Variants in SIN3A observed in about 807,000 individuals in gnomAD.
SIN3A encodes the protein paired amphipathic helix protein Sin3a.
In SIN3A, 14 loss-of-function variants were observed where a neutral mutation model predicts 146.1. That is an observed-to-expected ratio of 0.10 (90% CI 0.06 to 0.15). SIN3A has a LOEUF of 0.15. SIN3A is among the 10% of genes least tolerant of loss of function. The pLI is 1.00. For missense variants in SIN3A, 1,028 were observed against 1,576.0 expected (o/e 0.65, Z 5.89); for synonymous variants, 572 against 572.0 (o/e 1.00, Z 0.00).
intron 12 of SIN3A, among the ~76,000 whole-genome samples, chr15:75,397,085 T>C (rs1451596585): frequency 3.3e-5 from 5 of 152,250 alleles, no homozygotes; most frequent in Non-Finnish European, 7.3e-5. Context: ...GAGTTCACTG[T>C]TGTAGCTGCG....
chr15:75,384,055 T>G (rs1446380138), intron 17 of SIN3A: 1 of 305,058 alleles, frequency 3.3e-6, no homozygotes, highest in African/African-American at 2.2e-5. Context: ...TATAACTAGT[T>G]TTTTTTTTTT....
chr15:75,427,860 A>T (rs767419103), intron 2 of SIN3A, among the ~76,000 whole-genome samples: 18 of 151,768 alleles, frequency 1.2e-4, no homozygotes, highest in Non-Finnish European at 1.6e-4. Context: ...AATCCCAGCT[A>T]CTCGGGAGGC....
chr15:75,400,324 C>G (rs758617744), intron 11 of SIN3A, among the ~76,000 whole-genome samples, 168 bp from the exon 12 acceptor site: 2 of 152,212 alleles, frequency 1.3e-5, no homozygotes, highest in Non-Finnish European at 2.9e-5. Context: ...GAAAAGGGTG[C>G]TGAATATAAG....
At chr15:75,411,853 C>T in intron 5 of SIN3A, 110 bp from the exon 6 acceptor site, 1 of 1,209,030 alleles carries the variant, frequency 8.3e-7, no homozygotes, top group Non-Finnish European at 1.1e-6. Context: ...TATTTACTCA[C>T]TCAGGCCAGG....
chr15:75,375,890 C>T lies in SIN3A; in HGVS notation c.3384-18G>A, dbSNP rs761115423. 70 of 1,612,868 alleles carry T rather than the reference C, an allele frequency of 4.3e-5. No individual in the cohort carries two copies. Among genetic ancestry groups the T allele is most frequent in the Middle Eastern group, 1.6e-4 (1 of 6,082 alleles). On this transcript the variant is annotated intron_variant, in intron 19 of 20. Coordinates refer to ENST00000394947, the MANE Select transcript of SIN3A (RefSeq NM_001145358.2). ...GTAGATTCCTATTGCAGAAAAGCCC[C>T]GGAGGATGAGAGCTCGTCCAGATGC...
intron 1 of SIN3A, among the ~76,000 whole-genome samples, chr15:75,441,753 T>C (rs530094069): frequency 4.9e-4 from 75 of 152,304 alleles, no homozygotes; most frequent in South Asian, 3.9e-3. Flanking sequence ...CATAATTTTG[T>C]TGGAGAGAAC....
chr15:75,424,185 C>A (rs571717158), intron 2 of SIN3A, among the ~76,000 whole-genome samples: 2 of 152,244 alleles, frequency 1.3e-5, no homozygotes, highest in Non-Finnish European at 2.9e-5. Flanking sequence ...GTAATCCCAG[C>A]ACTTTGGGAG....
chr15:75,408,088 T>C (rs2073552992), intron 8 of SIN3A, among the ~76,000 whole-genome samples: 1 of 152,124 alleles, frequency 6.6e-6, no homozygotes, highest in African/African-American at 2.4e-5. Context: ...TTACCTTGGC[T>C]ATCTCAGAGT....
chr15:75,419,360 C>T (rs1237045711), intron 3 of SIN3A: 1 of 152,108 alleles, frequency 6.6e-6, no homozygotes, highest in Non-Finnish European at 1.5e-5. Flanking sequence ...TGCATCATTA[C>T]ACAACAAAAG....
At chr15:75,450,284 C>T (rs1311423644) in intron 1 of SIN3A, among the ~76,000 whole-genome samples, 1 of 152,076 alleles carries the variant, frequency 6.6e-6, no homozygotes, top group African/African-American at 2.4e-5. Context: ...AGAGGAGGAG[C>T]TTCCACTGCC....
chr15:75,444,196 G>C (rs926854673), intron 1 of SIN3A, among the ~76,000 whole-genome samples: 4 of 152,226 alleles, frequency 2.6e-5, no homozygotes, highest in African/African-American at 9.6e-5. Flanking sequence ...TGGGCATGGT[G>C]ACTCATGCCT....
At chr15:75,425,027 T>C (rs1941175125) in intron 2 of SIN3A, among the ~76,000 whole-genome samples, 1 of 152,192 alleles carries the variant, frequency 6.6e-6, no homozygotes. Context: ...CACATTACAC[T>C]GGCTGACAAA....
intron 9 of SIN3A, among the ~76,000 whole-genome samples, chr15:75,402,912 G>A (rs999372712): frequency 5.9e-5 from 9 of 152,136 alleles, no homozygotes; most frequent in Middle Eastern, 3.4e-3. Flanking sequence ...TGGGATTACA[G>A]GCGTTTGAGC....
At chr15:75,389,267 C>G (rs1201651488) in intron 16 of SIN3A, among the ~76,000 whole-genome samples, 1 of 151,342 alleles carries the variant, frequency 6.6e-6, no homozygotes, top group Non-Finnish European at 1.5e-5. Context: ...TCAAGACCAG[C>G]CTGGGCAAAA....
intron 11 of SIN3A, 43 bp from the exon 12 acceptor site, chr15:75,400,199 G>C (rs1431506946): frequency 9.1e-7 from 1 of 1,093,882 alleles, no homozygotes; most frequent in Non-Finnish European, 1.4e-6. Flanking sequence ...GCCTAAAAAA[G>C]CTTTCTGGTG....
intron 1 of SIN3A, among the ~76,000 whole-genome samples, chr15:75,445,535 C>T (rs1294182123): frequency 6.6e-6 from 1 of 151,156 alleles, no homozygotes; most frequent in East Asian, 1.9e-4. Context: ...TGCACCACTG[C>T]ACTCCAGCCT....
chr15:75,407,242 CTGAT>C (rs1490967181), intron 8 of SIN3A, 98 bp from the exon 9 acceptor site: 1 of 710,746 alleles, frequency 1.4e-6, no homozygotes, highest in African/African-American at 1.8e-5. Flanking sequence ...GAAACCACTG[CTGAT>C]TAATAATTTG....
At chr15:75,422,554 G>C (rs1325652941) in intron 3 of SIN3A, 93 bp downstream of exon 3, 1 of 1,366,060 alleles carries the variant, frequency 7.3e-7, no homozygotes, top group East Asian at 2.3e-5. Flanking sequence ...AGTATCTCAG[G>C]TTAGAAGTTG....
chr15:75,423,809 A>G (rs1362856130), intron 2 of SIN3A, among the ~76,000 whole-genome samples: 2 of 152,120 alleles, frequency 1.3e-5, no homozygotes, highest in Non-Finnish European at 2.9e-5. Context: ...CCTGGCCAAC[A>G]TGGTAAGACC....
Sources: allele counts gnomAD v4.1 joint callset (sites outside exome capture counted in the v4.1 genomes callset), GRCh38; gene constraint gnomAD v4.1.1; transcripts MANE v1.5; gene names NCBI Gene and HGNC (gene_info 2026-07-23, HGNC 2026-07-21).